Variants in ASTN2 observed in about 807,000 individuals in gnomAD.
The protein encoded by ASTN2 is astrotactin-2.
ASTN2 carries 54 observed loss-of-function variants against 139.8 expected under a neutral mutation model. The observed-to-expected ratio is 0.39, with a 90% confidence interval of 0.31 to 0.48. The LOEUF is 0.48. Ranked by LOEUF, ASTN2 falls within the 20% of genes least tolerant of loss-of-function variation. The probability of loss-of-function intolerance (pLI) is 0.95; values close to 1 mark genes in which losing one functional copy is unlikely to be tolerated. For synonymous variants in ASTN2, 756 were observed against 719.5 expected (o/e 1.05, Z -0.81); for missense variants, 1,565 against 1,725.1 (o/e 0.91, Z 1.64).
intron 1 of ASTN2, among the ~76,000 whole-genome samples, chr9:117,390,229 A>C (rs1564180306): frequency 6.6e-6 from 1 of 152,202 alleles, no homozygotes; most frequent in Non-Finnish European, 1.5e-5. Flanking sequence ...AATTGATGAG[A>C]AAGTACAGAG....
At chr9:117,401,788 T>A (rs1481762214) in intron 1 of ASTN2, among the ~76,000 whole-genome samples, 4 of 152,232 alleles carry the variant, frequency 2.6e-5, no homozygotes, top group Non-Finnish European at 5.9e-5. Flanking sequence ...GACATCTGAA[T>A]TTCATATGAT....
At chr9:116,642,216 C>T (rs1857378465) in intron 17 of ASTN2, among the ~76,000 whole-genome samples, 1 of 151,050 alleles carries the variant, frequency 6.6e-6, no homozygotes, top group Non-Finnish European at 1.5e-5. Flanking sequence ...CCCATTCTCA[C>T]CTTAAGTGAT....
intron 16 of ASTN2, among the ~76,000 whole-genome samples, chr9:116,695,747 C>T (rs961555810): frequency 2.6e-5 from 4 of 152,126 alleles, no homozygotes; most frequent in African/African-American, 9.7e-5. Flanking sequence ...TATACGTTGA[C>T]AGTGACCTAA....
chr9:117,178,602 G>A (rs1205093247), intron 3 of ASTN2, among the ~76,000 whole-genome samples: 2 of 152,128 alleles, frequency 1.3e-5, no homozygotes, highest in Non-Finnish European at 2.9e-5. Flanking sequence ...GCGCTCAGAG[G>A]GACAAAATCA....
intron 10 of ASTN2, among the ~76,000 whole-genome samples, chr9:116,883,704 T>C (rs964598725): frequency 2.6e-5 from 4 of 152,334 alleles, no homozygotes; most frequent in African/African-American, 9.6e-5. Context: ...CACGCTCTTC[T>C]AACTCTTGAA....
rs114906071 is a variant in ASTN2, at chr9:117,004,175, A to C, written c.1591+3917T>G. On this transcript the variant is annotated intron_variant, in intron 7 of 22. Transcript: ENST00000313400. ...CACTCTGTTGCTCAGGCTACAGTGC[A>C]GTAGCATGATCATGGCTAACTGTAG... 4.6e-3 allele frequency among the ~76,000 whole-genome samples: 696 copies of C among 152,236 alleles called. 5 individuals are homozygous for C. The highest frequency in any genetic ancestry group is 0.015 in the African/African-American group (637 of 41,540).
intron 16 of ASTN2, among the ~76,000 whole-genome samples, chr9:116,694,593 TG>T (rs1860745245): frequency 6.6e-6 from 1 of 150,948 alleles, no homozygotes; most frequent in Non-Finnish European, 1.5e-5. Flanking sequence ...CCCGAGTAGC[TG>T]GGACTACAGG....
intron 20 of ASTN2, among the ~76,000 whole-genome samples, chr9:116,469,339 C>T (rs763276636): frequency 2.0e-5 from 3 of 151,730 alleles, no homozygotes; most frequent in East Asian, 2.0e-4. Context: ...ATCTATATGA[C>T]GTCATAGAAC....
intron 1 of ASTN2, among the ~76,000 whole-genome samples, chr9:117,377,597 A>C (rs1830157150): frequency 6.6e-6 from 1 of 151,926 alleles, no homozygotes. Context: ...TTGACCTCAT[A>C]ATACTGCTGC....
intron 1 of ASTN2, among the ~76,000 whole-genome samples, chr9:117,325,616 C>A (rs543581244): frequency 1.3e-5 from 2 of 152,038 alleles, no homozygotes; most frequent in African/African-American, 4.8e-5. Flanking sequence ...TGTGTCCTCA[C>A]GGAGACTGAT....
At position 116,782,697 on chromosome 9, in the gene ASTN2, C is replaced by T. The variant is rs529719087; in HGVS notation, c.2396+22935G>A. On this transcript the variant is annotated intron_variant, in intron 13 of 22. Transcript: ENST00000313400. ...TATTTGGAATGAAGATCCGTGATGG[C>T]TAACCCAACCAAAATTCACATTTAG... is the stretch of plus-strand genomic sequence containing the variant. Among the ~76,000 whole-genome samples, 2 of 152,206 alleles carry T rather than the reference C, an allele frequency of 1.3e-5. 1 individual carries two copies. The highest frequency in any genetic ancestry group is 4.1e-4 in the South Asian group (2 of 4,832).
chr9:117,113,385 G>A (rs13283141), intron 4 of ASTN2, among the ~76,000 whole-genome samples: 59,094 of 151,974 alleles, frequency 0.39, 12,131 homozygotes, highest in Non-Finnish European at 0.46. Flanking sequence ...GCCAGGCGTG[G>A]TGGCTCACAC....
At chr9:116,670,089 G>C (rs1274374350) in intron 16 of ASTN2, among the ~76,000 whole-genome samples, 4 of 152,212 alleles carry the variant, frequency 2.6e-5, no homozygotes, top group Admixed American at 2.0e-4. Context: ...ACAGGCATGA[G>C]CCACCATGCC....
At chr9:116,540,530 T>C (rs1334759486) in intron 19 of ASTN2, 2 of 152,248 alleles carry the variant, frequency 1.3e-5, no homozygotes, top group African/African-American at 2.4e-5. Context: ...GGCAGACAAC[T>C]GCTTGGGTGA....
chr9:116,803,652 G>A (rs1830957182), intron 13 of ASTN2, among the ~76,000 whole-genome samples: 1 of 150,010 alleles, frequency 6.7e-6, no homozygotes, highest in South Asian at 2.1e-4. Context: ...AGCCTCCTGA[G>A]TAGCTGGGAC....
intron 2 of ASTN2, among the ~76,000 whole-genome samples, chr9:117,291,036 C>T (rs1834577160): frequency 6.6e-6 from 1 of 152,230 alleles, no homozygotes; most frequent in Non-Finnish European, 1.5e-5. Context: ...AAGCACATGA[C>T]AGATGTTAAA....
At chr9:117,067,860 A>G (rs923254614) in intron 5 of ASTN2, among the ~76,000 whole-genome samples, 2 of 113,178 alleles carry the variant, frequency 1.8e-5, no homozygotes, top group African/African-American at 6.0e-5. Flanking sequence ...TTGATTTTGT[A>G]TGCTGAGACT....
intron 11 of ASTN2, among the ~76,000 whole-genome samples, chr9:116,833,379 T>G (rs529163219): frequency 6.6e-6 from 1 of 152,280 alleles, no homozygotes; most frequent in African/African-American, 2.4e-5. Flanking sequence ...TCGTTGTTTT[T>G]CTGTTTTCTA....
chr9:117,229,702 G>A (rs11793423), intron 2 of ASTN2, among the ~76,000 whole-genome samples: 18,953 of 152,104 alleles, frequency 0.12, 1,608 homozygotes, highest in African/African-American at 0.23. Flanking sequence ...AACCCATATC[G>A]GTGAGGGGTC....
Sources: allele counts gnomAD v4.1 joint callset (sites outside exome capture counted in the v4.1 genomes callset), GRCh38; gene constraint gnomAD v4.1.1; transcripts MANE v1.5; gene names NCBI Gene and HGNC (gene_info 2026-07-23, HGNC 2026-07-21).